Variants in SIGLEC5 observed in about 807,000 individuals in gnomAD.
SIGLEC5 encodes the protein sialic acid binding Ig like lectin 5, also known as sialic acid-binding Ig-like lectin 5.
SIGLEC5 carries 34 observed loss-of-function variants against 45.9 expected under a neutral mutation model. The ratio of observed to expected loss-of-function variants is 0.74; its 90% CI spans 0.56 to 0.99. The LOEUF (loss-of-function observed/expected upper bound fraction) is 0.99. Among genes scored for constraint, SIGLEC5 ranks in the 50% least tolerant of loss-of-function variants. SIGLEC5 has a pLI of 0.00. For synonymous variants in SIGLEC5, 203 were observed against 258.6 expected (o/e 0.79, Z 2.06); for missense variants, 508 against 629.6 (o/e 0.81, Z 2.07).
At chr19:51,616,846 G>T (rs1983073578) in intron 8 of SIGLEC5, among the ~76,000 whole-genome samples, 2 of 123,244 alleles carry the variant, frequency 1.6e-5, no homozygotes, top group Non-Finnish European at 3.2e-5. Context: ...AGGAGGCAGA[G>T]ATTGCAGTGA....
In SIGLEC5 at chr19:51,627,637, CTCCTCAAGCCGCCAGCA is replaced by C. The variant is rs1323843148; in HGVS notation, c.1090_1106del (p.Cys364GlufsTer109). Reference sequence around the variant, plus strand: ...GGCTGCTGTTCCCCTCCAGCGGCTTCTCCTCAAGCCGCCAGCACAGGGAGGGGGCCGGCCGGGCTCGA... The same window carrying C: ...GGCTGCTGTTCCCCTCCAGCGGCTTCCAGGGAGGGGGCCGGCCGGGCTCGA... On this transcript the variant is annotated frameshift_variant, in exon 6 of 9. Transcript: ENST00000683636. LOFTEE classifies it high-confidence loss of function. 1.2e-6 allele frequency: 2 copies of C among 1,611,854 alleles called. No homozygotes were observed. Among genetic ancestry groups the C allele is most frequent in the Non-Finnish European group, 1.7e-6 (2 of 1,179,530 alleles).
rs1393961200 is a variant in SIGLEC5 at position 51,629,633 on chromosome 19, A to G, written c.425T>C (p.Leu142Pro). The change falls in exon 3 of 9, where the codon CTG (leucine) becomes CCG (proline). Residue 142 changes from leucine to proline, a missense_variant. By Grantham distance (98) the Leu-to-Pro change is moderately conservative (BLOSUM62 -3). Coordinates refer to ENST00000683636, the MANE Select transcript of SIGLEC5 (RefSeq NM_003830.4). The part of the protein sequence containing the change: ...QNKLNLEVTA[L>P]IEKPDIHFLE... ...AAAGTGGATGTCGGGTTTCTCTATC[A>G]GGGCTGAGGAGGAGACAGGGAGATA... 1.5e-6 allele frequency: 2 copies of G among 1,323,596 alleles called. No homozygotes were observed. Among genetic ancestry groups the G allele is most frequent in the East Asian group, 2.5e-5 (1 of 39,858 alleles). 82.0% of individuals were successfully genotyped at this position (1,323,596 alleles called of 1,614,324 possible).
intron 8 of SIGLEC5, among the ~76,000 whole-genome samples, chr19:51,620,333 C>T (rs1467252757): frequency 3.9e-5 from 6 of 152,060 alleles, no homozygotes; most frequent in Non-Finnish European, 8.8e-5. Context: ...AGGAAAATGA[C>T]AAGTGTATTT....
At chr19:51,617,174 G>C (rs985620982) in intron 8 of SIGLEC5, among the ~76,000 whole-genome samples, 2 of 150,880 alleles carry the variant, frequency 1.3e-5, no homozygotes, top group Non-Finnish European at 2.9e-5. Flanking sequence ...AGAATGGCGT[G>C]AACCCGGGAG....
In SIGLEC5 at chr19:51,628,019, G is replaced by A. The variant is rs200984518; in HGVS notation, c.812C>T (p.Ala271Val). Residue 271 changes from alanine (A) to valine (V), a missense_variant, in exon 5 of 9, where the codon GCT (alanine) becomes GTT (valine). Ala to Val is a moderately conservative substitution (Grantham distance 64). Transcript: ENST00000683636. ...CAGGTGTGCAGGGGGGTTGCTGGGA[G>A]CATCACAGAGCAGCCGCAGAGCCTG... ...EGQALRLLCD[A>V]PSNPPAHLSW... The A allele has an allele frequency of 3.7e-5, 60 of 1,605,206 alleles. No individual in the cohort carries two copies. The highest frequency in any genetic ancestry group is 1.7e-4 in the Admixed American group (10 of 58,356).
intron 2 of SIGLEC5, 46 bp from the exon 3 acceptor site, chr19:51,629,682 C>G (rs963235074): frequency 1.0e-6 from 1 of 1,002,414 alleles, no homozygotes; most frequent in Non-Finnish European, 1.4e-6. Context: ...GGCTTGAGGA[C>G]GTAAGGTGTG....
chr19:51,627,922 T>G lies in SIGLEC5; in HGVS notation c.909A>C (p.Arg303=). The G allele has an allele frequency of 6.2e-7, 1 of 1,614,048 alleles. No homozygotes were observed. The highest frequency in any genetic ancestry group is 8.5e-7 in the Non-Finnish European group (1 of 1,179,988). The change falls in exon 5 of 9, where the codon CGA becomes CGC. Residue 303 remains arginine, a synonymous_variant. Coordinates refer to ENST00000683636, the MANE Select transcript of SIGLEC5 (RefSeq NM_003830.4). ...ISNTGILELR[R]VRSAEEGGFT... ...AGCCTCCTTCTTCTGCAGACCTTACTCGACGAAGCTCCAAGATCCCGGTAT... is the reference window on the plus strand; with the variant it reads ...AGCCTCCTTCTTCTGCAGACCTTACGCGACGAAGCTCCAAGATCCCGGTAT...
chr19:51,624,903 G>T (rs1217574311), intron 8 of SIGLEC5, among the ~76,000 whole-genome samples: 2 of 152,160 alleles, frequency 1.3e-5, no homozygotes, highest in Non-Finnish European at 2.9e-5. Context: ...GGCAGAGGTT[G>T]CAGTGAGCCG....
rs764922689 is a variant in SIGLEC5 at position 51,627,622 on chromosome 19, C to A, written c.1122G>T (p.Gly374=). The change falls in exon 6 of 9, where the codon GGG becomes GGT. Residue 374 remains glycine, a synonymous_variant. Coordinates refer to ENST00000683636, the MANE Select transcript of SIGLEC5 (RefSeq NM_003830.4). ...CWRLEEKPLE[G]NSSQGSFKVN... ...CCTTGAATGAGCCCTGGCTGCTGTT[C>A]CCCTCCAGCGGCTTCTCCTCAAGCC... 6.2e-7 allele frequency: 1 copy of A among 1,613,074 alleles called. No individual in the cohort carries two copies. Among genetic ancestry groups the A allele is most frequent in the Non-Finnish European group, 8.5e-7 (1 of 1,179,822 alleles).
intron 8 of SIGLEC5, among the ~76,000 whole-genome samples, chr19:51,616,476 T>C (rs1202171968): frequency 6.6e-6 from 1 of 151,982 alleles, no homozygotes; most frequent in African/African-American, 2.4e-5. Flanking sequence ...AAGAGCCCAA[T>C]GGATGGGATG....
intron 8 of SIGLEC5, chr19:51,621,122 C>A (rs1044348487): frequency 2.6e-5 from 4 of 152,150 alleles, no homozygotes; most frequent in African/African-American, 9.7e-5. Context: ...TTACTTGCTG[C>A]ATTTACTGAG....
In SIGLEC5 at chr19:51,611,526, C is replaced by G. The variant is rs148796150; in HGVS notation, c.*705G>C. On this transcript the variant is annotated 3_prime_UTR_variant, in exon 9 of 9. Coordinates refer to ENST00000683636, the MANE Select transcript of SIGLEC5 (RefSeq NM_003830.4). Reference sequence around the variant, plus strand: ...AGGACTTTATGTGTCAGGGGAGATGCTTGTGATATATTGTCTAAGGCCAGG... The same window carrying G: ...AGGACTTTATGTGTCAGGGGAGATGGTTGTGATATATTGTCTAAGGCCAGG... Among the ~76,000 whole-genome samples the G allele has an allele frequency of 6.6e-6, 1 of 152,110 alleles. No homozygotes were observed. Among genetic ancestry groups the G allele is most frequent in the East Asian group, 1.9e-4 (1 of 5,186 alleles).
At chr19:51,628,892 G>C in intron 4 of SIGLEC5, 146 bp downstream of exon 4, 1 of 760,266 alleles carries the variant, frequency 1.3e-6, no homozygotes, top group Non-Finnish European at 2.2e-6. Flanking sequence ...CCTGCACATG[G>C]GGCTCACAGA....
chr19:51,627,327 C>T lies in SIGLEC5; in HGVS notation c.1283-79G>A, dbSNP rs188835509. The stretch of plus-strand genomic sequence containing the variant: ...CTCCCACCTGCTGGGCAACTTGCTC[C>T]AGGGCCCTGCTCAGACAGGAGATGA... On this transcript the variant is annotated intron_variant, in intron 6 of 8. Coordinates refer to ENST00000683636, the MANE Select transcript of SIGLEC5 (RefSeq NM_003830.4). 909 of 1,549,418 alleles carry T rather than the reference C, an allele frequency of 5.9e-4. 4 individuals are homozygous for T. Among genetic ancestry groups the T allele is most frequent in the South Asian group, 2.4e-3 (206 of 86,600 alleles).
chr19:51,616,240 A>G (rs1983049806), intron 8 of SIGLEC5, among the ~76,000 whole-genome samples: 1 of 152,202 alleles, frequency 6.6e-6, no homozygotes, highest in African/African-American at 2.4e-5. Context: ...AACCTGATAG[A>G]CCACTAGAAG....
chr19:51,628,874 C>T (rs1421956309), intron 4 of SIGLEC5, among the ~76,000 whole-genome samples, 164 bp downstream of exon 4: 1 of 151,888 alleles, frequency 6.6e-6, no homozygotes, highest in Non-Finnish European at 1.5e-5. Context: ...TGCGTGTGTG[C>T]ATATGTGCCT....
intron 8 of SIGLEC5, among the ~76,000 whole-genome samples, chr19:51,613,285 G>T (rs563104343): frequency 3.2e-4 from 48 of 152,306 alleles, no homozygotes; most frequent in African/African-American, 1.1e-3. Flanking sequence ...ATGATGGCCA[G>T]ATCTCTGGGG....
chr19:51,613,006 C>G (rs1982919445), intron 8 of SIGLEC5, among the ~76,000 whole-genome samples: 1 of 152,152 alleles, frequency 6.6e-6, no homozygotes, highest in African/African-American at 2.4e-5. Flanking sequence ...GAGTAATAAA[C>G]TGCTTCTGTT....
intron 8 of SIGLEC5, among the ~76,000 whole-genome samples, chr19:51,616,803 C>T (rs962489431): frequency 1.4e-5 from 2 of 143,258 alleles, no homozygotes; most frequent in Admixed American, 1.5e-4. Context: ...CCCAGCTACT[C>T]GGGAGGCTGA....
Sources: gnomAD v4.1 joint callset for allele counts (sites outside exome capture counted in the v4.1 genomes callset) on GRCh38, gnomAD v4.1.1 for gene constraint, MANE v1.5 for transcripts, NCBI Gene and HGNC (gene_info 2026-07-23, HGNC 2026-07-21) for gene names.